Variants in CNTN5 observed in about 807,000 individuals in gnomAD.
CNTN5 encodes contactin-5.
CNTN5 carries 77 observed loss-of-function variants against 129.1 expected under a neutral mutation model. The ratio of observed to expected loss-of-function variants is 0.60; its 90% CI spans 0.50 to 0.72. CNTN5 has a LOEUF of 0.72. CNTN5 is among the 30% of genes least tolerant of loss of function. The probability of loss-of-function intolerance (pLI) is 0.00; values close to 1 mark genes in which losing one functional copy is unlikely to be tolerated. For missense variants in CNTN5, 1,478 were observed against 1,328.8 expected (o/e 1.11, Z -1.75); for synonymous variants, 509 against 465.6 (o/e 1.09, Z -1.20).
chr11:100,286,168 C>G (rs543574317), intron 18 of CNTN5, among the ~76,000 whole-genome samples: 92 of 151,708 alleles, frequency 6.1e-4, no homozygotes, highest in East Asian at 1.4e-3. Context: ...AGGTGGCAGC[C>G]AGGCTGGGGG....
chr11:99,567,388 C>G (rs1179792641), intron 3 of CNTN5, among the ~76,000 whole-genome samples: 1 of 151,916 alleles, frequency 6.6e-6, no homozygotes, highest in Non-Finnish European at 1.5e-5. Context: ...TCTACTTTGA[C>G]CCCATTCTCC....
At chr11:99,877,741 G>C (rs1000807812) in intron 6 of CNTN5, among the ~76,000 whole-genome samples, 3 of 152,140 alleles carry the variant, frequency 2.0e-5, no homozygotes, top group Admixed American at 6.5e-5. Flanking sequence ...TACTATATCT[G>C]CATTTGCATT....
chr11:99,168,131 A>G (rs932509074), intron 1 of CNTN5, among the ~76,000 whole-genome samples: 4 of 152,070 alleles, frequency 2.6e-5, no homozygotes, highest in Non-Finnish European at 5.9e-5. Context: ...TTTTGTAGCG[A>G]CAGACTTCCA....
At chr11:99,273,416 G>A (rs1253757469) in intron 1 of CNTN5, among the ~76,000 whole-genome samples, 1 of 151,826 alleles carries the variant, frequency 6.6e-6, no homozygotes, top group Non-Finnish European at 1.5e-5. Context: ...CCAACGGGAG[G>A]AGTCAGCTTT....
At chr11:99,494,341 G>A (rs1249295128) in intron 2 of CNTN5, among the ~76,000 whole-genome samples, 2 of 152,236 alleles carry the variant, frequency 1.3e-5, no homozygotes, top group East Asian at 1.9e-4. Flanking sequence ...ATTAAGCTAC[G>A]AGACCTAAAA....
chr11:99,272,005 C>G (rs913563422), intron 1 of CNTN5, among the ~76,000 whole-genome samples: 4 of 151,936 alleles, frequency 2.6e-5, no homozygotes, highest in Non-Finnish European at 1.5e-5. Context: ...TATTTTAAAA[C>G]TATCACAAAA....
At chr11:99,590,835 A>C (rs144349951) in intron 3 of CNTN5, among the ~76,000 whole-genome samples, 36 of 152,342 alleles carry the variant, frequency 2.4e-4, no homozygotes, top group African/African-American at 8.2e-4. Flanking sequence ...CCACAACACC[A>C]GGGATGCTAG....
At chr11:99,753,689 TC>T (rs1944313865) in intron 3 of CNTN5, among the ~76,000 whole-genome samples, 1 of 108,136 alleles carries the variant, frequency 9.2e-6, no homozygotes, top group African/African-American at 3.3e-5. Context: ...AGAAATCACT[TC>T]CTTTTTTTTT....
At chr11:99,869,514 A>T (rs1042043773) in intron 6 of CNTN5, among the ~76,000 whole-genome samples, 1 of 152,138 alleles carries the variant, frequency 6.6e-6, no homozygotes, top group South Asian at 2.1e-4. Flanking sequence ...CATGCAAATG[A>T]CCTCTTCAAC....
intron 13 of CNTN5, among the ~76,000 whole-genome samples, chr11:100,102,346 T>TG (rs1945252171): frequency 6.6e-6 from 1 of 152,118 alleles, no homozygotes; most frequent in African/African-American, 2.4e-5. Flanking sequence ...AAATATTTGT[T>TG]GGCTGTTTGT....
chr11:100,331,572 T>C (rs1951907582), intron 21 of CNTN5, among the ~76,000 whole-genome samples: 1 of 152,038 alleles, frequency 6.6e-6, no homozygotes, highest in Admixed American at 6.5e-5. Flanking sequence ...CAAGATAGAC[T>C]ATATGATAGG....
chr11:99,489,866 C>A (rs1235967507), intron 2 of CNTN5, among the ~76,000 whole-genome samples: 1 of 151,730 alleles, frequency 6.6e-6, no homozygotes, highest in Non-Finnish European at 1.5e-5. Context: ...CAGAGAGAGA[C>A]AAAGAGAGAG....
At chr11:99,422,532 A>T (rs1404078441) in intron 2 of CNTN5, among the ~76,000 whole-genome samples, 1 of 56,072 alleles carries the variant, frequency 1.8e-5, no homozygotes, top group African/African-American at 7.0e-5. Flanking sequence ...ATATATATAT[A>T]TATATATATA....
chr11:100,025,454 G>C (rs1236730875), intron 9 of CNTN5, among the ~76,000 whole-genome samples: 1 of 152,204 alleles, frequency 6.6e-6, no homozygotes, highest in African/African-American at 2.4e-5. Context: ...CCCCTGCAGA[G>C]TCCCCACTGG....
intron 9 of CNTN5, among the ~76,000 whole-genome samples, chr11:100,039,495 C>T (rs1942247098): frequency 6.6e-6 from 1 of 152,014 alleles, no homozygotes. Flanking sequence ...CTCTGTATTT[C>T]CTGAATTTGA....
At chr11:99,143,501 TGACAATGGGATCCTAGA>T (rs1298360245) in intron 1 of CNTN5, among the ~76,000 whole-genome samples, 1 of 149,008 alleles carries the variant, frequency 6.7e-6, no homozygotes, top group Non-Finnish European at 1.5e-5. Context: ...TTTTTGTATA[TGACAATGGGATCCTAGA>T]GACAAATGTT....
intron 1 of CNTN5, among the ~76,000 whole-genome samples, chr11:99,082,188 C>CTTTTT (rs747509458): frequency 7.5e-6 from 1 of 132,810 alleles, no homozygotes; most frequent in Non-Finnish European, 1.6e-5. Flanking sequence ...TCTCCAAAAG[C>CTTTTT]TTTTTTTTTT....
intron 1 of CNTN5, among the ~76,000 whole-genome samples, chr11:99,211,299 G>A (rs527331341): frequency 2.6e-5 from 4 of 152,198 alleles, no homozygotes; most frequent in South Asian, 2.1e-4. Flanking sequence ...CGCAAAGATA[G>A]ATTTTTTGGG....
At chr11:99,181,339 A>G (rs1301979136) in intron 1 of CNTN5, among the ~76,000 whole-genome samples, 1 of 152,198 alleles carries the variant, frequency 6.6e-6, no homozygotes, top group Non-Finnish European at 1.5e-5. Flanking sequence ...TTTAAGTAAC[A>G]AAGGTGCTGT....
Sources: gnomAD v4.1 joint callset for allele counts (sites outside exome capture counted in the v4.1 genomes callset) on GRCh38, gnomAD v4.1.1 for gene constraint, MANE v1.5 for transcripts, NCBI Gene and HGNC (gene_info 2026-07-23, HGNC 2026-07-21) for gene names.